The following NLRP1 variants were observed in gnomAD, a reference collection of about 807,000 sequenced individuals.
NLRP1 encodes the protein NACHT, LRR and PYD domains-containing protein 1.
A neutral mutation model predicts 136.7 loss-of-function variants in NLRP1; 94 were observed. The ratio of observed to expected loss-of-function variants is 0.69; its 90% CI spans 0.58 to 0.82. NLRP1 has a LOEUF of 0.82. NLRP1 is among the 40% of genes least tolerant of loss of function. The pLI, the probability that NLRP1 is intolerant of heterozygous loss-of-function variation, is 0.00. For synonymous variants in NLRP1, 690 were observed against 725.1 expected (o/e 0.95, Z 0.78); for missense variants, 1,575 against 1,802.7 (o/e 0.87, Z 2.29).
chr17:5,556,343 C>A (rs1168868725), intron 4 of NLRP1, among the ~76,000 whole-genome samples: 2 of 151,846 alleles, frequency 1.3e-5, no homozygotes, highest in Non-Finnish European at 2.9e-5. Context: ...AGTCTCAGCT[C>A]CTAGCGGGGC....
At chr17:5,524,449 T>G (rs1241557318) in intron 12 of NLRP1, among the ~76,000 whole-genome samples, 1 of 152,230 alleles carries the variant, frequency 6.6e-6, no homozygotes, top group African/African-American at 2.4e-5. Context: ...GCACCTGCAA[T>G]GCACATATTC....
intron 13 of NLRP1, 91 bp from the exon 14 acceptor site, chr17:5,521,103 T>G (rs1326236272): frequency 1.3e-5 from 17 of 1,308,184 alleles, no homozygotes; most frequent in Non-Finnish European, 1.6e-5. Context: ...TGTGTTTGTG[T>G]GGACAGAGTG....
chr17:5,525,750 T>C (rs1909452289), intron 12 of NLRP1, among the ~76,000 whole-genome samples: 2 of 152,188 alleles, frequency 1.3e-5, no homozygotes, highest in African/African-American at 4.8e-5. Flanking sequence ...GCATCATCTG[T>C]AAAGTGGGGC....
chr17:5,539,365 A>AC (rs575738077), intron 7 of NLRP1, 50 bp downstream of exon 7: 8 of 1,526,034 alleles, frequency 5.2e-6, no homozygotes, highest in South Asian at 1.3e-5. Flanking sequence ...CCTGTCCGAT[A>AC]CCCCCCCAAC....
chr17:5,583,069 T>C lies in NLRP1; in HGVS notation c.272-223A>G, dbSNP rs1468667198. Among the ~76,000 whole-genome samples, 3 of 151,982 alleles carry C rather than the reference T, an allele frequency of 2.0e-5. No homozygotes were observed. In the South Asian group the frequency reaches 6.2e-4, roughly 31 times the overall value. ...TCTAGGATCAGGAAATTTGCATATC[T>C]GTCTTGGTCCTGACTATCTCCCTGT... On this transcript the variant is annotated intron_variant, in intron 1 of 16. Coordinates refer to ENST00000572272, the MANE Select transcript of NLRP1 (RefSeq NM_033004.4). This position sits in a 1 kb window ranked among gnomAD's most constrained non-coding sequence, Gnocchi z 4.5.
chr17:5,535,982 G>GGC (rs71370069), intron 8 of NLRP1, among the ~76,000 whole-genome samples: 7,066 of 152,166 alleles, frequency 0.046, 187 homozygotes, highest in Middle Eastern at 0.082. Context: ...CCAGGGCACA[G>GGC]GCGCTCTCTC....
At chr17:5,530,184 G>C in intron 12 of NLRP1, 1 of 495,332 alleles carries the variant, frequency 2.0e-6, no homozygotes, top group Non-Finnish European at 3.8e-6. Flanking sequence ...AATCTCAACT[G>C]AGCATATCAT....
rs1345843279 is a variant in NLRP1 at position 5,556,115 on chromosome 17, TACA to T, written c.2357+2221_2357+2223del. Among the ~76,000 whole-genome samples, 19 of 119,072 alleles carry T rather than the reference TACA, an allele frequency of 1.6e-4. No homozygotes were observed. The East Asian group carries it at 2.8e-3, about 18-fold the overall frequency. 78.1% of individuals were successfully genotyped at this position (119,072 alleles called of 152,430 possible). A position where few individuals can be genotyped will look rare whatever the true frequency, so the allele number is the denominator to read the frequency against. On this transcript the variant is annotated intron_variant, in intron 4 of 16. Coordinates refer to ENST00000572272, the MANE Select transcript of NLRP1 (RefSeq NM_033004.4). ...CTGTCTCTGTCTCTGTCTCTCTCTCTACACACACACACACACACACACACACAC... is the reference window on the plus strand; with the variant it reads ...CTGTCTCTGTCTCTGTCTCTCTCTCTCACACACACACACACACACACACAC...
chr17:5,542,049 G>T, intron 5 of NLRP1, 22 bp from the exon 6 acceptor site: 2 of 1,605,412 alleles, frequency 1.2e-6, no homozygotes, highest in South Asian at 1.1e-5. Flanking sequence ...ACACACCCAT[G>T]GTCTTCAGGT....
chr17:5,559,610 C>T lies in NLRP1; in HGVS notation c.1086G>A (p.Gln362=). The part of the protein sequence containing the change: ...GRGQLYGDRF[Q]HVFYFSCREL... ...CTCTGCAGCTGAAGTAGAAGACATG[C>T]TGGAAGCGGTCCCCATACAGCTGGC... The change falls in exon 4 of 17, where the codon CAG becomes CAA. Residue 362 remains glutamine, a synonymous_variant. Coordinates refer to ENST00000572272, the MANE Select transcript of NLRP1 (RefSeq NM_033004.4). The T allele has an allele frequency of 6.2e-7, 1 of 1,614,210 alleles. No homozygotes were observed. Among genetic ancestry groups the T allele is most frequent in the Non-Finnish European group, 8.5e-7 (1 of 1,180,028 alleles).
intron 5 of NLRP1, among the ~76,000 whole-genome samples, chr17:5,544,819 A>G: frequency 6.6e-6 from 1 of 152,016 alleles, no homozygotes; most frequent in African/African-American, 2.4e-5. Flanking sequence ...TAGGGAGGAT[A>G]GTCTAGGTAA....
At chr17:5,509,495 T>G (rs560108820), downstream of NLRP1, among the ~76,000 whole-genome samples, 38 of 152,290 alleles carry the variant, frequency 2.5e-4, no homozygotes, top group South Asian at 7.7e-3. Flanking sequence ...GGAGAGTGAC[T>G]CCTTCAGGAA....
intron 5 of NLRP1, among the ~76,000 whole-genome samples, chr17:5,552,935 C>T (rs957495105): frequency 6.6e-6 from 1 of 152,174 alleles, no homozygotes; most frequent in Non-Finnish European, 1.5e-5. Context: ...GCTTAAAATT[C>T]CACACCATCA....
downstream of NLRP1, among the ~76,000 whole-genome samples, chr17:5,510,396 G>A (rs1347249185): frequency 6.6e-6 from 1 of 151,956 alleles, no homozygotes; most frequent in African/African-American, 2.4e-5. Context: ...GGCTCGCTCT[G>A]TTGCCCAGGC....
chr17:5,535,704 G>A (rs1374963803), intron 8 of NLRP1, among the ~76,000 whole-genome samples: 1 of 152,236 alleles, frequency 6.6e-6, no homozygotes, highest in Non-Finnish European at 1.5e-5. Flanking sequence ...GGGAATGTTT[G>A]TTCAATGAAT....
At chr17:5,535,749 T>C (rs888719205) in intron 8 of NLRP1, among the ~76,000 whole-genome samples, 1 of 152,242 alleles carries the variant, frequency 6.6e-6, no homozygotes, top group Non-Finnish European at 1.5e-5. Context: ...GCTGTTTTCC[T>C]TCCATTTCAG....
Position 5,584,032 on chromosome 17 carries a change from G to A in NLRP1, c.-75C>T. On this transcript the variant is annotated 5_prime_UTR_variant, in exon 1 of 17. Coordinates refer to ENST00000572272, the MANE Select transcript of NLRP1 (RefSeq NM_033004.4). ...GGGTATCAGGCAGGCAGAGAACAGTGCTGTCCTTTGCCTTGGCTCTTACCG... is the reference window on the plus strand; with the variant it reads ...GGGTATCAGGCAGGCAGAGAACAGTACTGTCCTTTGCCTTGGCTCTTACCG... 9 of 1,400,142 alleles carry A rather than the reference G, an allele frequency of 6.4e-6. No individual in the cohort carries two copies. The highest frequency in any genetic ancestry group is 1.3e-5 in the South Asian group (1 of 74,954). 86.7% of individuals were successfully genotyped at this position (1,400,142 alleles called of 1,614,324 possible). A position where few individuals can be genotyped will look rare whatever the true frequency, so the allele number is the denominator to read the frequency against.
chr17:5,543,902 C>T (rs532694992), intron 5 of NLRP1, among the ~76,000 whole-genome samples: 59 of 152,256 alleles, frequency 3.9e-4, no homozygotes, highest in African/African-American at 1.4e-3. Context: ...CATTGGTGTA[C>T]AACCAGGGTG....
At chr17:5,553,221 G>A (rs535514600) in intron 5 of NLRP1, among the ~76,000 whole-genome samples, 165 bp downstream of exon 5, 1 of 149,512 alleles carries the variant, frequency 6.7e-6, no homozygotes, top group East Asian at 1.9e-4. Context: ...TTTTTTTTAT[G>A]AGCAAAAAAT....
Sources: allele counts gnomAD v4.1 joint callset (sites outside exome capture counted in the v4.1 genomes callset), GRCh38; gene constraint gnomAD v4.1.1; non-coding constraint Gnocchi (gnomAD v3.1); transcripts MANE v1.5; gene names NCBI Gene and HGNC (gene_info 2026-07-23, HGNC 2026-07-21).